The following OPCML variants were observed in gnomAD, a reference collection of about 807,000 sequenced individuals.
The protein encoded by OPCML is opioid binding protein/cell adhesion molecule like.
A neutral mutation model predicts 37.8 loss-of-function variants in OPCML; 13 were observed. That is an observed-to-expected ratio of 0.34 (90% CI 0.22 to 0.55). The LOEUF (loss-of-function observed/expected upper bound fraction) is 0.55, where lower values mean the gene tolerates loss of function less well. Ranked by LOEUF, OPCML falls within the 20% of genes least tolerant of loss-of-function variation. The pLI, the probability that OPCML is intolerant of heterozygous loss-of-function variation, is 0.91. For synonymous variants in OPCML, 176 were observed against 168.8 expected (o/e 1.04, Z -0.33); for missense variants, 341 against 435.6 (o/e 0.78, Z 1.93).
At chr11:132,582,138 G>A (rs1329757346) in intron 3 of OPCML, among the ~76,000 whole-genome samples, 19 of 149,964 alleles carry the variant, frequency 1.3e-4, no homozygotes, top group Admixed American at 1.3e-3. Flanking sequence ...GTGTGTGTGT[G>A]TGTGTGTGTG....
intron 2 of OPCML, among the ~76,000 whole-genome samples, chr11:132,940,542 G>A (rs776851640): frequency 6.6e-6 from 1 of 152,146 alleles, no homozygotes; most frequent in Non-Finnish European, 1.5e-5. Flanking sequence ...ATAAAACATG[G>A]TATATTTATC....
chr11:133,103,139 T>C (rs1184458097), intron 1 of OPCML, among the ~76,000 whole-genome samples: 1 of 152,212 alleles, frequency 6.6e-6, no homozygotes. Flanking sequence ...GATCTGGGGA[T>C]TCCTACTTTG....
chr11:133,421,667 C>T (rs1431124191), intron 1 of OPCML: 2 of 985,070 alleles, frequency 2.0e-6, no homozygotes, highest in Middle Eastern at 5.2e-4. Context: ...TCTAAATGAA[C>T]CCTTTATTTA....
chr11:133,021,162 T>G (rs1947443078), intron 1 of OPCML, among the ~76,000 whole-genome samples: 1 of 152,192 alleles, frequency 6.6e-6, no homozygotes, highest in Non-Finnish European at 1.5e-5. Context: ...ATGGTCCTTG[T>G]GAAGCTTTGA....
intron 4 of OPCML, among the ~76,000 whole-genome samples, chr11:132,468,576 C>A (rs567630732): frequency 1.3e-5 from 2 of 152,138 alleles, no homozygotes; most frequent in Non-Finnish European, 2.9e-5. Context: ...AAATCTTTAG[C>A]CTTTTTTAAA....
chr11:133,069,760 G>A (rs1298354129), intron 1 of OPCML, among the ~76,000 whole-genome samples: 1 of 152,188 alleles, frequency 6.6e-6, no homozygotes, highest in Admixed American at 6.5e-5. Flanking sequence ...AAAGGCAGAG[G>A]TGACAAAGAC....
chr11:132,985,093 G>C (rs1467347432), intron 1 of OPCML, among the ~76,000 whole-genome samples: 1 of 152,146 alleles, frequency 6.6e-6, no homozygotes, highest in African/African-American at 2.4e-5. Flanking sequence ...CATTCTCATA[G>C]TTCCACTGCA....
chr11:132,703,961 G>A (rs1346745081), intron 2 of OPCML, among the ~76,000 whole-genome samples: 4 of 152,182 alleles, frequency 2.6e-5, no homozygotes, highest in African/African-American at 4.8e-5. Flanking sequence ...AGTAGACCTG[G>A]TGGCTGAGAC....
chr11:132,791,220 A>T (rs147442795), intron 2 of OPCML, among the ~76,000 whole-genome samples: 3 of 152,254 alleles, frequency 2.0e-5, no homozygotes, highest in Non-Finnish European at 4.4e-5. Context: ...GCTGGGGAAG[A>T]CTTGCCACAT....
intron 1 of OPCML, among the ~76,000 whole-genome samples, chr11:133,307,334 G>A (rs1942948285): frequency 6.6e-6 from 1 of 152,128 alleles, no homozygotes; most frequent in African/African-American, 2.4e-5. Flanking sequence ...TAGGGGTTAT[G>A]TAGCTGGTCA....
chr11:132,620,658 A>T (rs147638710), intron 3 of OPCML, among the ~76,000 whole-genome samples: 144 of 152,310 alleles, frequency 9.5e-4, no homozygotes, highest in African/African-American at 3.4e-3. Context: ...GATGTCTACA[A>T]AGGGACCCTA....
At chr11:133,123,969 G>T (rs576314344) in intron 1 of OPCML, among the ~76,000 whole-genome samples, 1 of 151,928 alleles carries the variant, frequency 6.6e-6, no homozygotes, top group African/African-American at 2.4e-5. Flanking sequence ...AGCATGAGTC[G>T]GGTCAAAGAC....
chr11:133,498,389 A>G (rs1045264541), intron 1 of OPCML, among the ~76,000 whole-genome samples: 1 of 152,242 alleles, frequency 6.6e-6, no homozygotes, highest in Non-Finnish European at 1.5e-5. Context: ...AAGAGGAGAC[A>G]GAGAGACTGA....
chr11:132,455,468 G>A (rs974925295), intron 4 of OPCML, among the ~76,000 whole-genome samples: 12 of 152,282 alleles, frequency 7.9e-5, no homozygotes, highest in African/African-American at 9.6e-5. Context: ...TGAGGTTCCC[G>A]TGGGCAAAGG....
chr11:132,723,129 G>A (rs1221008335), intron 2 of OPCML, among the ~76,000 whole-genome samples: 1 of 152,098 alleles, frequency 6.6e-6, no homozygotes, highest in Non-Finnish European at 1.5e-5. Flanking sequence ...AGAACAAAGG[G>A]CCATGTGATT....
intron 1 of OPCML, chr11:133,025,095 A>G (rs1947526687): frequency 1.2e-6 from 1 of 810,852 alleles, no homozygotes; most frequent in South Asian, 5.6e-5. Context: ...CCTAGAGCTA[A>G]TTTTCCTTCA....
At chr11:133,268,258 A>G (rs1014985278) in intron 1 of OPCML, among the ~76,000 whole-genome samples, 4 of 152,196 alleles carry the variant, frequency 2.6e-5, no homozygotes, top group Non-Finnish European at 5.9e-5. Flanking sequence ...TGGATAAAAC[A>G]TGTGTCATCT....
chr11:132,819,463 CA>C (rs1482345395), intron 2 of OPCML, among the ~76,000 whole-genome samples: 3 of 151,502 alleles, frequency 2.0e-5, no homozygotes. Flanking sequence ...ATAGAAATTC[CA>C]GAATTAAAAG....
chr11:132,996,936 C>A (rs908058074), intron 1 of OPCML, among the ~76,000 whole-genome samples: 7 of 152,222 alleles, frequency 4.6e-5, no homozygotes, highest in South Asian at 2.1e-4. Flanking sequence ...AAGGGGCCGT[C>A]TCCTATTGTT....
Sources: gnomAD v4.1 joint callset for allele counts (sites outside exome capture counted in the v4.1 genomes callset) on GRCh38, gnomAD v4.1.1 for gene constraint, MANE v1.5 for transcripts, NCBI Gene and HGNC (gene_info 2026-07-23, HGNC 2026-07-21) for gene names.